The following BLK variants were observed in gnomAD, a reference collection of about 807,000 sequenced individuals.
The protein encoded by BLK is BLK proto-oncogene, Src family tyrosine kinase.
Under a neutral mutation model 61.8 loss-of-function variants are expected in BLK, and 64 were observed. The ratio of observed to expected loss-of-function variants is 1.03; its 90% CI spans 0.85 to 1.27. The LOEUF (loss-of-function observed/expected upper bound fraction) is 1.27, where lower values mean the gene tolerates loss of function less well. Among genes scored for constraint, BLK ranks in the 50% most tolerant of loss-of-function variants. BLK has a pLI of 0.00. For synonymous variants in BLK, 351 were observed against 272.0 expected (o/e 1.29, Z -2.86); for missense variants, 853 against 660.5 (o/e 1.29, Z -3.19).
At chr8:11,562,319 A>G (rs1198091887) in intron 11 of BLK, among the ~76,000 whole-genome samples, 4 of 152,182 alleles carry the variant, frequency 2.6e-5, no homozygotes, top group Admixed American at 6.5e-5. Flanking sequence ...TTATCAAGCT[A>G]GCAAGCAGTG....
intron 1 of BLK, among the ~76,000 whole-genome samples, chr8:11,524,750 T>C (rs987486736): frequency 1.8e-4 from 27 of 151,910 alleles, no homozygotes; most frequent in African/African-American, 6.5e-4. Flanking sequence ...GCAGAAGAAG[T>C]GGGGAAAATG....
intron 1 of BLK, among the ~76,000 whole-genome samples, chr8:11,529,934 A>T (rs188550956): frequency 6.6e-6 from 1 of 152,316 alleles, no homozygotes; most frequent in Non-Finnish European, 1.5e-5. Flanking sequence ...AATCAACCAA[A>T]TATGGGGTCA....
At chr8:11,495,027 G>A (rs759112673) in intron 1 of BLK, among the ~76,000 whole-genome samples, 8 of 152,212 alleles carry the variant, frequency 5.3e-5, no homozygotes, top group Admixed American at 2.0e-4. Flanking sequence ...GCAAATGACT[G>A]TTGCTTTCGT....
chr8:11,539,559 TGAAA>T (rs1800281571), intron 1 of BLK, among the ~76,000 whole-genome samples: 1 of 152,236 alleles, frequency 6.6e-6, no homozygotes, highest in Non-Finnish European at 1.5e-5. Context: ...AGAGTGGGAC[TGAAA>T]ATCAAAAGGT....
At chr8:11,537,572 A>G (rs1800184478) in intron 1 of BLK, among the ~76,000 whole-genome samples, 1 of 152,154 alleles carries the variant, frequency 6.6e-6, no homozygotes, top group Non-Finnish European at 1.5e-5. Context: ...CCACAGGTGC[A>G]CCTGTTTTGT....
At chr8:11,535,141 G>C (rs1216140196) in intron 1 of BLK, among the ~76,000 whole-genome samples, 1 of 151,372 alleles carries the variant, frequency 6.6e-6, no homozygotes, top group Non-Finnish European at 1.5e-5. Context: ...TCACGCCTCT[G>C]CACTCCAGTC....
intron 2 of BLK, among the ~76,000 whole-genome samples, chr8:11,543,987 G>C (rs1401201800): frequency 6.8e-6 from 1 of 147,890 alleles, no homozygotes; most frequent in Non-Finnish European, 1.5e-5. Flanking sequence ...TTTTGAGACA[G>C]AGTCTCGCTC....
intron 11 of BLK, 108 bp from the exon 12 acceptor site, chr8:11,562,871 C>T (rs1025009737): frequency 4.3e-5 from 66 of 1,525,128 alleles, no homozygotes; most frequent in Admixed American, 2.4e-4. Context: ...TGTGAGGCCC[C>T]GCAGTGGGGG....
intron 3 of BLK, among the ~76,000 whole-genome samples, chr8:11,547,702 A>G (rs866219336): frequency 3.5e-4 from 53 of 152,322 alleles, no homozygotes; most frequent in Middle Eastern, 3.4e-3. Context: ...GGCTCCCAGC[A>G]CTATGTCCGA....
rs139658515 is a variant in BLK, at chr8:11,516,369, TG to T, written c.-2+21780del. On this transcript the variant is annotated intron_variant, in intron 1 of 12. Coordinates refer to ENST00000259089, the MANE Select transcript of BLK (RefSeq NM_001715.3). Reference sequence around the variant, plus strand: ...CTTCACAGACCCCGAGTCCTGCACTTGGTGGGTGGGTCTCACGACCGCCCTT... The same window carrying T: ...CTTCACAGACCCCGAGTCCTGCACTTGTGGGTGGGTCTCACGACCGCCCTT... Among the ~76,000 whole-genome samples the T allele has an allele frequency of 1.7e-3, 254 of 152,296 alleles. 4 individuals are homozygous for T. The East Asian group carries it at 0.031, about 19-fold the overall frequency.
intron 1 of BLK, among the ~76,000 whole-genome samples, chr8:11,524,562 A>T (rs1016687016): frequency 2.0e-5 from 3 of 152,232 alleles, no homozygotes; most frequent in African/African-American, 7.2e-5. Context: ...ATTTGCCAAA[A>T]TATATCGGAA....
intron 4 of BLK, 131 bp from the exon 5 acceptor site, chr8:11,548,893 C>A: frequency 3.6e-6 from 3 of 841,422 alleles, no homozygotes; most frequent in Admixed American, 2.0e-5. Flanking sequence ...CCCCTTCCTG[C>A]CTGCCGTACT....
At position 11,521,781 on chromosome 8, in the gene BLK, C is replaced by T. The variant is rs555751611; in HGVS notation, c.-1-21443C>T. On this transcript the variant is annotated intron_variant, in intron 1 of 12. Transcript: ENST00000259089. ...TGAGACTCTCCGTTCACTTCCTGTT[C>T]TATTTTTACACTCCCTGGTCCGTTC... Among the ~76,000 whole-genome samples, 343 of 152,316 alleles carry T rather than the reference C, an allele frequency of 2.3e-3. 2 individuals are homozygous for T. Among genetic ancestry groups the T allele is most frequent in the Non-Finnish European group, 2.3e-3 (159 of 68,030 alleles).
At chr8:11,531,917 G>A (rs111689966) in intron 1 of BLK, among the ~76,000 whole-genome samples, 17,716 of 152,118 alleles carry the variant, frequency 0.12, 1,423 homozygotes, top group East Asian at 0.26. Flanking sequence ...GGAGTGCAGT[G>A]GCACCATCTC....
At chr8:11,551,919 T>G (rs1206683306) in intron 6 of BLK, among the ~76,000 whole-genome samples, 1 of 152,162 alleles carries the variant, frequency 6.6e-6, no homozygotes, top group South Asian at 2.1e-4. Context: ...CTCTACAACG[T>G]GGCAAGCTAG....
intron 4 of BLK, 26 bp downstream of exon 4, chr8:11,548,151 G>C: frequency 1.3e-6 from 2 of 1,571,184 alleles, no homozygotes; most frequent in Non-Finnish European, 1.7e-6. Context: ...ACCATCCCCT[G>C]TCCCTGCAGG....
intron 3 of BLK, among the ~76,000 whole-genome samples, chr8:11,547,619 G>A (rs1409232391): frequency 1.3e-5 from 2 of 152,258 alleles, no homozygotes; most frequent in African/African-American, 4.8e-5. Flanking sequence ...ATAGAGGCAG[G>A]CGGGGCAGAG....
At chr8:11,544,294 G>GCT (rs1800519922) in intron 2 of BLK, among the ~76,000 whole-genome samples, 1 of 152,098 alleles carries the variant, frequency 6.6e-6, no homozygotes, top group South Asian at 2.1e-4. Flanking sequence ...GATTCTTTGT[G>GCT]CTCTCTCCAC....
chr8:11,521,160 C>T (rs191393667), intron 1 of BLK, among the ~76,000 whole-genome samples: 91 of 152,152 alleles, frequency 6.0e-4, no homozygotes, highest in Non-Finnish European at 1.1e-3. Context: ...CAATTCAAAT[C>T]AGTAAGAAAA....
Sources: gnomAD v4.1 joint callset for allele counts (sites outside exome capture counted in the v4.1 genomes callset) on GRCh38, gnomAD v4.1.1 for gene constraint, MANE v1.5 for transcripts, NCBI Gene and HGNC (gene_info 2026-07-23, HGNC 2026-07-21) for gene names.